The following TRMT11 variants were observed in gnomAD, a reference collection of about 807,000 sequenced individuals.
TRMT11 encodes the protein tRNA methyltransferase 11.
TRMT11 carries 53 observed loss-of-function variants against 62.8 expected under a neutral mutation model. That is an observed-to-expected ratio of 0.84 (90% CI 0.68 to 1.06). The LOEUF is 1.06. Ranked by LOEUF, TRMT11 falls within the 50% of genes least tolerant of loss-of-function variation. The pLI is 0.00. For missense variants in TRMT11, 556 were observed against 553.4 expected (o/e 1.00, Z -0.05); for synonymous variants, 188 against 190.3 (o/e 0.99, Z 0.10).
downstream of TRMT11, among the ~76,000 whole-genome samples, chr6:126,202,595 G>A (rs535965754): frequency 6.6e-6 from 1 of 152,174 alleles, no homozygotes; most frequent in South Asian, 2.1e-4. Flanking sequence ...CCAAATTTCA[G>A]CCCATCGCCT....
the TRMT11 span, among the ~76,000 whole-genome samples, chr6:126,250,238 C>T: frequency 2.0e-5 from 3 of 151,962 alleles, no homozygotes; most frequent in African/African-American, 7.3e-5. Context: ...TGGAGGAGAC[C>T]TAATGAGTGT....
intron 17 of TRMT11, among the ~76,000 whole-genome samples, chr6:126,066,539 A>C (rs1776696511): frequency 6.6e-6 from 1 of 152,160 alleles, no homozygotes; most frequent in African/African-American, 2.4e-5. Context: ...CGCTAATCCT[A>C]TCATGGGGGC....
chr6:126,134,692 T>C (rs1431882567), intron 21 of TRMT11, among the ~76,000 whole-genome samples: 6 of 151,862 alleles, frequency 4.0e-5, no homozygotes, highest in Non-Finnish European at 8.8e-5. Context: ...TGAACACACA[T>C]TTTTTTGATT....
At chr6:126,063,412 A>G (rs1303862019) in intron 17 of TRMT11, among the ~76,000 whole-genome samples, 7 of 152,244 alleles carry the variant, frequency 4.6e-5, no homozygotes, top group Admixed American at 4.6e-4. Context: ...ACTAGCTTTT[A>G]TTTTTAATTA....
Position 126,114,853 on chromosome 6 carries a change from C to A in TRMT11, c.*1561+114C>A, listed in dbSNP as rs934186192. ...ACAGATGAACAGGCTTGATAAAGAG[C>A]AAATCTGTGAAAAACAAACACTTGT... is the stretch of plus-strand genomic sequence containing the variant. On this transcript the variant is annotated intron_variant and NMD_transcript_variant, in intron 19 of 22. Transcript: ENST00000648977. Among the ~76,000 whole-genome samples the A allele has an allele frequency of 2.6e-5, 4 of 151,996 alleles. No individual in the cohort carries two copies. In the East Asian group the frequency reaches 7.7e-4, roughly 29 times the overall value.
At chr6:126,227,442 A>G in the TRMT11 span, among the ~76,000 whole-genome samples, 1 of 152,186 alleles carries the variant, frequency 6.6e-6, no homozygotes, top group African/African-American at 2.4e-5. Context: ...AGAGAGATAC[A>G]TGAGCATCTT....
At chr6:126,034,540 AT>A (rs1774824456) in intron 12 of TRMT11, among the ~76,000 whole-genome samples, 1 of 152,276 alleles carries the variant, frequency 6.6e-6, no homozygotes, top group South Asian at 2.1e-4. Flanking sequence ...TAGTCTTAAT[AT>A]TTTATTCATA....
intron 21 of TRMT11, among the ~76,000 whole-genome samples, chr6:126,151,943 C>CTCTCTTTCTTTCT (rs1554242332): frequency 3.0e-5 from 1 of 33,898 alleles, no homozygotes; most frequent in Non-Finnish European, 5.7e-5. Flanking sequence ...TTCTTTCTTT[C>CTCTCTTTCTTTCT]TTTTCTTTCT....
chr6:126,070,073 A>G lies in TRMT11; in HGVS notation c.*1437+16883A>G, dbSNP rs77810254. On this transcript the variant is annotated intron_variant and NMD_transcript_variant, in intron 17 of 22. Transcript: ENST00000648977. ...ACCAAACATACAAATGACACATTAA[A>G]TAGTAGCCATGGGCTACCTTTCCTT... Among the ~76,000 whole-genome samples the G allele has an allele frequency of 4.9e-3, 751 of 152,348 alleles. 10 individuals are homozygous for G. The highest frequency in any genetic ancestry group is 0.017 in the African/African-American group (721 of 41,576).
chr6:126,145,272 G>A (rs1296970457), intron 21 of TRMT11, among the ~76,000 whole-genome samples: 1 of 152,154 alleles, frequency 6.6e-6, no homozygotes, highest in Admixed American at 6.5e-5. Context: ...TAATAGATTG[G>A]TGCTGGGATG....
Position 126,025,444 on chromosome 6 carries a change from A to T in TRMT11, c.1260+4164A>T, listed in dbSNP as rs985165642. ...TTTCCAATTGATTTAAAAAAACAACAACAAGGAAAAGCCTCAAGTAATTTT... is the reference window on the plus strand; with the variant it reads ...TTTCCAATTGATTTAAAAAAACAACTACAAGGAAAAGCCTCAAGTAATTTT... On this transcript the variant is annotated intron_variant, in intron 12 of 12. Transcript: ENST00000334379. 5.3e-5 allele frequency among the ~76,000 whole-genome samples: 8 copies of T among 152,346 alleles called. No homozygotes were observed. In the East Asian group the frequency reaches 1.2e-3, roughly 22 times the overall value.
chr6:126,076,223 A>G (rs1003038907), intron 17 of TRMT11, among the ~76,000 whole-genome samples: 1 of 152,190 alleles, frequency 6.6e-6, no homozygotes, highest in African/African-American at 2.4e-5. Context: ...TCTGTCTTCC[A>G]ATTACAGCTC....
At chr6:126,017,433 A>G (rs1319236808) in intron 11 of TRMT11, among the ~76,000 whole-genome samples, 2 of 152,222 alleles carry the variant, frequency 1.3e-5, no homozygotes, top group Non-Finnish European at 2.9e-5. Context: ...GACAATTTAA[A>G]TTGCAGTAAA....
chr6:126,231,534 T>C, the TRMT11 span, among the ~76,000 whole-genome samples: 1 of 152,152 alleles, frequency 6.6e-6, no homozygotes, highest in African/African-American at 2.4e-5. Flanking sequence ...GTAGTTAGGT[T>C]TTGGGGGAGT....
the TRMT11 span, chr6:126,258,025 C>T: frequency 6.8e-5 from 100 of 1,473,118 alleles, no homozygotes; most frequent in South Asian, 9.4e-4. Context: ...AGCAGCTCCT[C>T]GACCCTGGCA....
intron 17 of TRMT11, among the ~76,000 whole-genome samples, chr6:126,087,843 A>C (rs1168161533): frequency 6.6e-6 from 1 of 152,172 alleles, no homozygotes; most frequent in African/African-American, 2.4e-5. Flanking sequence ...CTACCACTTC[A>C]AGACCTTAGT....
intron 12 of TRMT11, among the ~76,000 whole-genome samples, chr6:126,035,088 G>T (rs1211987748): frequency 6.6e-6 from 1 of 152,032 alleles, no homozygotes; most frequent in East Asian, 1.9e-4. Context: ...TAGCATTAAG[G>T]TAATAAAAGT....
chr6:126,114,302 A>G (rs1210479285), intron 18 of TRMT11, among the ~76,000 whole-genome samples: 3 of 152,090 alleles, frequency 2.0e-5, no homozygotes, highest in Non-Finnish European at 2.9e-5. Flanking sequence ...ATTCCAGTCT[A>G]GAACAGAGAG....
At chr6:126,007,375 G>A (rs1296055000) in intron 7 of TRMT11, among the ~76,000 whole-genome samples, 1 of 151,892 alleles carries the variant, frequency 6.6e-6, no homozygotes, top group Non-Finnish European at 1.5e-5. Flanking sequence ...AAGGTTATAA[G>A]GGAAAGAGCC....
Sources: gnomAD v4.1 joint callset for allele counts (sites outside exome capture counted in the v4.1 genomes callset) on GRCh38, gnomAD v4.1.1 for gene constraint, MANE v1.5 for transcripts, NCBI Gene and HGNC (gene_info 2026-07-23, HGNC 2026-07-21) for gene names.